The following FARS2 variants were observed in gnomAD, a reference collection of about 807,000 sequenced individuals.
FARS2 encodes phenylalanine--tRNA ligase, mitochondrial.
FARS2 carries 40 observed loss-of-function variants against 46.4 expected under a neutral mutation model. That is an observed-to-expected ratio of 0.86 (90% CI 0.67 to 1.12). The LOEUF (loss-of-function observed/expected upper bound fraction) is 1.12. Ranked by LOEUF, FARS2 falls within the 50% of genes most tolerant of loss-of-function variation. The pLI is 0.00. For synonymous variants in FARS2, 234 were observed against 214.9 expected (o/e 1.09, Z -0.78); for missense variants, 513 against 567.9 (o/e 0.90, Z 0.98).
chr6:5,344,963 T>A lies in FARS2; in HGVS notation c.-21-23587T>A, dbSNP rs182603640. Among the ~76,000 whole-genome samples the A allele has an allele frequency of 4.1e-3, 629 of 152,180 alleles. 3 individuals are homozygous for A. Among genetic ancestry groups the A allele is most frequent in the Middle Eastern group, 0.014 (4 of 294 alleles). ...TAACACCACACCTGACTAATTTTTTTATATTTTTAGTAGAGATGGGGTTTT... is the reference window on the plus strand; with the variant it reads ...TAACACCACACCTGACTAATTTTTTAATATTTTTAGTAGAGATGGGGTTTT... On this transcript the variant is annotated intron_variant, in intron 1 of 6. Coordinates refer to ENST00000274680, the MANE Select transcript of FARS2 (RefSeq NM_006567.5).
intron 3 of FARS2, among the ~76,000 whole-genome samples, chr6:5,429,384 C>A (rs1387819023): frequency 1.3e-5 from 2 of 152,224 alleles, no homozygotes; most frequent in Admixed American, 1.3e-4. Flanking sequence ...AAAGAAAAAT[C>A]TGCCTTCTCC....
At chr6:5,706,809 C>T (rs964691912) in intron 6 of FARS2, among the ~76,000 whole-genome samples, 1 of 152,220 alleles carries the variant, frequency 6.6e-6, no homozygotes. Context: ...CCAAATATTG[C>T]TGAATGAAAC....
At chr6:5,407,338 C>T (rs1761674044) in intron 3 of FARS2, among the ~76,000 whole-genome samples, 1 of 151,872 alleles carries the variant, frequency 6.6e-6, no homozygotes. Context: ...TGCCTGAACT[C>T]AAATATGTAT....
At chr6:5,591,742 C>G (rs111417215) in intron 5 of FARS2, among the ~76,000 whole-genome samples, 64 of 152,370 alleles carry the variant, frequency 4.2e-4, no homozygotes, top group African/African-American at 1.5e-3. Flanking sequence ...GCCCCTCACT[C>G]TGTGATCCTC....
chr6:5,704,196 G>C (rs1049686512), intron 6 of FARS2, among the ~76,000 whole-genome samples: 7 of 152,200 alleles, frequency 4.6e-5, no homozygotes, highest in African/African-American at 1.2e-4. Flanking sequence ...CAAGGTCAAG[G>C]CACCAGCAGA....
intron 4 of FARS2, chr6:5,467,089 C>A: frequency 4.1e-6 from 4 of 985,114 alleles, no homozygotes; most frequent in Non-Finnish European, 4.8e-6. Flanking sequence ...ATAGTCACTT[C>A]CCGATTTATT....
At chr6:5,435,013 A>C (rs939202180) in intron 4 of FARS2, among the ~76,000 whole-genome samples, 1 of 152,172 alleles carries the variant, frequency 6.6e-6, no homozygotes, top group African/African-American at 2.4e-5. Context: ...TCATTTAACC[A>C]TGATAACAAG....
rs192031055 is a variant in FARS2 at position 5,348,070 on chromosome 6, A to G, written c.-21-20480A>G. Among the ~76,000 whole-genome samples the G allele has an allele frequency of 2.4e-3, 368 of 152,244 alleles. 2 individuals carry two copies. The highest frequency in any genetic ancestry group is 3.1e-3 in the Non-Finnish European group (211 of 68,008). On this transcript the variant is annotated intron_variant, in intron 1 of 6. Transcript: ENST00000274680. ...TTGTTGAGTTGTAGGAATTCTTCAT[A>G]TATCCAGCTGTCAGTTTGTGTCATA...
At chr6:5,708,825 T>C (rs995137922) in intron 6 of FARS2, among the ~76,000 whole-genome samples, 7 of 152,194 alleles carry the variant, frequency 4.6e-5, no homozygotes, top group African/African-American at 1.7e-4. Flanking sequence ...CACACCCAGC[T>C]AATTTTTAAA....
At chr6:5,646,405 G>T (rs934219206) in intron 6 of FARS2, among the ~76,000 whole-genome samples, 1 of 152,150 alleles carries the variant, frequency 6.6e-6, no homozygotes, top group Admixed American at 6.5e-5. Context: ...TCCTACCTGT[G>T]CAGTGAGGGC....
At chr6:5,449,804 G>A (rs973647347) in intron 4 of FARS2, among the ~76,000 whole-genome samples, 3 of 152,140 alleles carry the variant, frequency 2.0e-5, no homozygotes, top group African/African-American at 7.2e-5. Flanking sequence ...CATCATGTGG[G>A]CCCTCAAAAA....
chr6:5,363,212 C>A (rs574016597), intron 1 of FARS2, among the ~76,000 whole-genome samples: 6 of 152,058 alleles, frequency 3.9e-5, no homozygotes, highest in Non-Finnish European at 7.4e-5. Context: ...AGGCATGAGC[C>A]ACCTCGCCCA....
chr6:5,761,456 G>C (rs1762471858), intron 6 of FARS2, among the ~76,000 whole-genome samples: 1 of 152,138 alleles, frequency 6.6e-6, no homozygotes, highest in African/African-American at 2.4e-5. Context: ...ACAAATAAAT[G>C]CTGATCAATT....
At chr6:5,655,011 C>T (rs905903690) in intron 6 of FARS2, among the ~76,000 whole-genome samples, 3 of 152,124 alleles carry the variant, frequency 2.0e-5, no homozygotes, top group African/African-American at 2.4e-5. Flanking sequence ...ATAATACATA[C>T]GACATACAAA....
rs558333052 is a variant in FARS2, at chr6:5,428,624, AC to A, written c.773-2415del. Among the ~76,000 whole-genome samples the A allele has an allele frequency of 1.9e-3, 282 of 152,280 alleles. 2 individuals are homozygous for A. Among genetic ancestry groups the A allele is most frequent in the Non-Finnish European group, 2.2e-3 (147 of 68,032 alleles). ...TCTGCACTCACTTCCATGTCCCAAGACCTCACATATTTCTGTTTGTTAGCAG... is the reference window on the plus strand; with the variant it reads ...TCTGCACTCACTTCCATGTCCCAAGACTCACATATTTCTGTTTGTTAGCAG... On this transcript the variant is annotated intron_variant, in intron 3 of 6. Coordinates refer to ENST00000274680, the MANE Select transcript of FARS2 (RefSeq NM_006567.5).
At chr6:5,394,776 T>TAAA (rs149105925) in intron 2 of FARS2, among the ~76,000 whole-genome samples, 30 of 150,638 alleles carry the variant, frequency 2.0e-4, no homozygotes, top group African/African-American at 7.1e-4. Flanking sequence ...TGTTTTTTTT[T>TAAA]AAAAAAAAAG....
rs146240480 is a variant in FARS2, at chr6:5,737,685, A to G, written c.1218-33606A>G. Among the ~76,000 whole-genome samples, 9 of 152,308 alleles carry G rather than the reference A, an allele frequency of 5.9e-5. No homozygotes were observed. The East Asian group carries it at 9.6e-4, about 16-fold the overall frequency. ...TGGTCATGTGACCCAGTTTTGGCCA[A>G]TGAGAATAAGCAGAAATTTCTGGAT... is the stretch of plus-strand genomic sequence containing the variant. On this transcript the variant is annotated intron_variant, in intron 6 of 6. Transcript: ENST00000274680.
chr6:5,567,228 A>C (rs1250942680), intron 5 of FARS2, among the ~76,000 whole-genome samples: 3 of 152,148 alleles, frequency 2.0e-5, no homozygotes, highest in African/African-American at 4.8e-5. Context: ...GTGGTATCTC[A>C]TTGGGATTTT....
At chr6:5,504,437 TAAAAAAAA>T (rs143444280) in intron 4 of FARS2, among the ~76,000 whole-genome samples, 4 of 126,472 alleles carry the variant, frequency 3.2e-5, no homozygotes, top group Non-Finnish European at 5.0e-5. Context: ...TGCTTTCCAG[TAAAAAAAA>T]AAAAAAAAAA....
Sources: gnomAD v4.1 joint callset for allele counts (sites outside exome capture counted in the v4.1 genomes callset) on GRCh38, gnomAD v4.1.1 for gene constraint, MANE v1.5 for transcripts, NCBI Gene and HGNC (gene_info 2026-07-23, HGNC 2026-07-21) for gene names.